NCAM2: variants seen among roughly 807,000 people sequenced by gnomAD.
NCAM2 encodes the protein N-CAM-2.
Under a neutral mutation model 98.1 loss-of-function variants are expected in NCAM2, and 30 were observed. That is an observed-to-expected ratio of 0.31 (90% CI 0.23 to 0.41). The LOEUF (loss-of-function observed/expected upper bound fraction) is 0.41. NCAM2 is among the 10% of genes least tolerant of loss of function. The pLI is 1.00. For synonymous variants in NCAM2, 368 were observed against 342.4 expected, an observed-to-expected ratio of 1.07 and a Z score of -0.83; for missense variants, 867 against 1,005.8, an observed-to-expected ratio of 0.86 and a Z score of 1.87.
intron 1 of NCAM2, among the ~76,000 whole-genome samples, chr21:21,175,301 G>A (rs963598596): frequency 6.6e-6 from 1 of 152,034 alleles, no homozygotes; most frequent in African/African-American, 2.4e-5. Flanking sequence ...TTGGGAGGCC[G>A]AGCCAGGAAG....
intron 1 of NCAM2, among the ~76,000 whole-genome samples, chr21:21,046,716 G>C (rs1168147387): frequency 6.6e-6 from 1 of 152,108 alleles, no homozygotes; most frequent in Non-Finnish European, 1.5e-5. Context: ...GCAGTTCAGG[G>C]AAACTTAATT....
intron 5 of NCAM2, among the ~76,000 whole-genome samples, chr21:21,323,836 A>G (rs903783977): frequency 3.9e-5 from 6 of 152,170 alleles, no homozygotes; most frequent in Non-Finnish European, 7.3e-5. Context: ...TTAGTTAATC[A>G]GAAAGAACAT....
At chr21:21,289,428 C>T (rs775302465) in intron 4 of NCAM2, among the ~76,000 whole-genome samples, 3 of 151,714 alleles carry the variant, frequency 2.0e-5, no homozygotes, top group Non-Finnish European at 4.4e-5. Context: ...ATGTAAACTA[C>T]GTAGGATAAG....
chr21:21,366,652 A>G (rs1381789312), intron 8 of NCAM2, among the ~76,000 whole-genome samples: 1 of 152,052 alleles, frequency 6.6e-6, no homozygotes, highest in African/African-American at 2.4e-5. Context: ...TTCAGGAAAC[A>G]GCCTGCAGGG....
chr21:21,314,579 C>T (rs1248537573), intron 5 of NCAM2, among the ~76,000 whole-genome samples: 1 of 152,060 alleles, frequency 6.6e-6, no homozygotes, highest in Non-Finnish European at 1.5e-5. Context: ...TTGTCCTGGT[C>T]GTCTTTCTCT....
intron 12 of NCAM2, among the ~76,000 whole-genome samples, chr21:21,437,743 A>G (rs991149430): frequency 1.3e-4 from 20 of 151,988 alleles, no homozygotes; most frequent in Non-Finnish European, 2.4e-4. Context: ...CACACACTTC[A>G]TTTTTGATGT....
intron 1 of NCAM2, among the ~76,000 whole-genome samples, chr21:21,189,753 G>A (rs1484234766): frequency 6.6e-6 from 1 of 152,028 alleles, no homozygotes; most frequent in African/African-American, 2.4e-5. Context: ...TTTATAGAAG[G>A]GTCTTTCTGA....
intron 1 of NCAM2, among the ~76,000 whole-genome samples, chr21:21,070,281 A>G (rs1237138427): frequency 6.7e-6 from 1 of 150,206 alleles, no homozygotes; most frequent in East Asian, 1.9e-4. Context: ...ATATATATAT[A>G]TATATAATCT....
chr21:21,232,133 G>A (rs1178820972), intron 1 of NCAM2, among the ~76,000 whole-genome samples: 2 of 151,442 alleles, frequency 1.3e-5, no homozygotes, highest in Non-Finnish European at 3.0e-5. Flanking sequence ...TCATAGAGAG[G>A]ATCAGAAGGA....
chr21:21,034,612 C>G (rs747244650), intron 1 of NCAM2, among the ~76,000 whole-genome samples: 9 of 152,062 alleles, frequency 5.9e-5, no homozygotes, highest in Non-Finnish European at 1.0e-4. Context: ...AAAATTTCAA[C>G]TACTCATTTG....
intron 14 of NCAM2, among the ~76,000 whole-genome samples, chr21:21,469,842 T>C (rs1340207322): frequency 6.6e-6 from 1 of 152,018 alleles, no homozygotes; most frequent in East Asian, 1.9e-4. Context: ...TTGTCCCAGC[T>C]TTCATACTCA....
intron 11 of NCAM2, among the ~76,000 whole-genome samples, chr21:21,422,498 G>A (rs2077130892): frequency 6.6e-6 from 1 of 152,058 alleles, no homozygotes; most frequent in African/African-American, 2.4e-5. Flanking sequence ...TATGTGTTTG[G>A]TTTAAGTCAG....
chr21:21,303,439 C>T (rs944286661), intron 5 of NCAM2, among the ~76,000 whole-genome samples: 1 of 151,892 alleles, frequency 6.6e-6, no homozygotes, highest in Non-Finnish European at 1.5e-5. Context: ...TTTATGTTAT[C>T]CCATGCCATA....
rs370252080 is a variant in NCAM2, at chr21:21,274,573, A to G, written c.56-6005A>G. The stretch of plus-strand genomic sequence containing the variant: ...AACGTAAATAATTATTTTGCAGCAG[A>G]TAACATTTTAAAATATGTTTCAATG... On this transcript the variant is annotated intron_variant, in intron 1 of 17. Transcript: ENST00000400546. 4.6e-5 allele frequency among the ~76,000 whole-genome samples: 7 copies of G among 152,328 alleles called. No homozygotes were observed. In the South Asian group the frequency reaches 1.4e-3, roughly 32 times the overall value.
intron 1 of NCAM2, among the ~76,000 whole-genome samples, chr21:21,024,639 G>C (rs1211162119): frequency 6.6e-6 from 1 of 152,190 alleles, no homozygotes; most frequent in Non-Finnish European, 1.5e-5. Context: ...CACTTTGGGA[G>C]GCCGAGGCGG....
At chr21:21,438,548 G>A (rs1454391194) in intron 12 of NCAM2, among the ~76,000 whole-genome samples, 2 of 152,000 alleles carry the variant, frequency 1.3e-5, no homozygotes, top group Admixed American at 6.6e-5. Flanking sequence ...TCAACAACTC[G>A]AACTATAGAG....
At chr21:21,253,568 T>G (rs1289243414) in intron 1 of NCAM2, among the ~76,000 whole-genome samples, 4 of 152,164 alleles carry the variant, frequency 2.6e-5, no homozygotes, top group Non-Finnish European at 5.9e-5. Context: ...CACCAGAATC[T>G]GTGAGAATCT....
At chr21:21,197,821 G>T (rs1230813441) in intron 1 of NCAM2, among the ~76,000 whole-genome samples, 1 of 152,152 alleles carries the variant, frequency 6.6e-6, no homozygotes, top group Non-Finnish European at 1.5e-5. Context: ...ACTACTGAGG[G>T]GGTTGGGAGG....
intron 1 of NCAM2, among the ~76,000 whole-genome samples, chr21:21,211,851 C>G (rs2069671507): frequency 6.6e-6 from 1 of 152,156 alleles, no homozygotes; most frequent in African/African-American, 2.4e-5. Context: ...ACTATACGCT[C>G]CTGAGGATAG....
Sources: gnomAD v4.1 joint callset for allele counts (sites outside exome capture counted in the v4.1 genomes callset) on GRCh38, gnomAD v4.1.1 for gene constraint, MANE v1.5 for transcripts, NCBI Gene and HGNC (gene_info 2026-07-23, HGNC 2026-07-21) for gene names.